Variants in TTI1 observed in about 807,000 individuals in gnomAD.
TTI1 encodes TELO2 interacting protein 1.
A neutral mutation model predicts 85.4 loss-of-function variants in TTI1; 52 were observed. The observed-to-expected ratio is 0.61, with a 90% CI of 0.49 to 0.77. The LOEUF is 0.77. TTI1 is among the 30% of genes least tolerant of loss of function. TTI1 has a pLI of 0.00. For missense variants in TTI1, 1,173 were observed against 1,296.0 expected (o/e 0.91, Z 1.46); for synonymous variants, 512 against 503.9 (o/e 1.02, Z -0.22).
chr20:37,992,536 C>CA (rs2073279777), intron 7 of TTI1, among the ~76,000 whole-genome samples: 1 of 152,192 alleles, frequency 6.6e-6, no homozygotes, highest in Non-Finnish European at 1.5e-5. Context: ...CTCAGCTTCC[C>CA]AAAGTGCTGG....
chr20:38,002,427 G>A (rs968975079), intron 4 of TTI1, among the ~76,000 whole-genome samples: 1 of 152,178 alleles, frequency 6.6e-6, no homozygotes, highest in South Asian at 2.1e-4. Context: ...AGGAGACTCA[G>A]CTCCCTTTGG....
chr20:38,007,685 C>A (rs975480723), intron 2 of TTI1, among the ~76,000 whole-genome samples: 2 of 152,348 alleles, frequency 1.3e-5, no homozygotes, highest in Middle Eastern at 3.4e-3. Context: ...ACTCTGATAA[C>A]CTTTAGCACC....
At chr20:37,999,902 G>A (rs888088890) in intron 4 of TTI1, among the ~76,000 whole-genome samples, 110 of 152,238 alleles carry the variant, frequency 7.2e-4, no homozygotes, top group African/African-American at 2.5e-3. Flanking sequence ...GTGGGGAGCC[G>A]TCAAAGTGTT....
At position 37,996,658 on chromosome 20, in the gene TTI1, G is replaced by A. The variant is rs183323287; in HGVS notation, c.2998+91C>T. 3 of 1,467,558 alleles carry A rather than the reference G, an allele frequency of 2.0e-6. No homozygotes were observed. In the East Asian group the frequency reaches 6.8e-5, roughly 33 times the overall value. The allele number at this position is 1,467,558 out of a possible 1,614,324, so 90.9% of individuals were successfully genotyped here. On this transcript the variant is annotated intron_variant, in intron 6 of 7. Transcript: ENST00000373447. ...ACGGAAGGAGGTACACAGAGGGGAG[G>A]GGAGGGGGGCACGACTGAGCAGAGG...
chr20:37,993,619 G>A (rs1384242894), intron 7 of TTI1, among the ~76,000 whole-genome samples: 11 of 152,136 alleles, frequency 7.2e-5, no homozygotes, highest in Admixed American at 7.2e-4. Flanking sequence ...CAGGGCTGGT[G>A]CACATCCCTC....
rs556625063 is a variant in TTI1 at position 38,008,738 on chromosome 20, T to C, written c.2303-2341A>G. Among the ~76,000 whole-genome samples the C allele has an allele frequency of 1.3e-5, 2 of 152,306 alleles. 1 individual carries two copies. The highest frequency in any genetic ancestry group is 4.1e-4 in the South Asian group (2 of 4,826). ...CACACCCATCTTAAAAGAGTGGACG[T>C]CAGTTAGATAATTCTATGACAAACA... is the stretch of plus-strand genomic sequence containing the variant. On this transcript the variant is annotated intron_variant, in intron 2 of 7. Coordinates refer to ENST00000373447, the MANE Select transcript of TTI1 (RefSeq NM_001303457.2).
rs375749252 is a variant in TTI1, at chr20:38,015,502, T to C, written c.-41-1645A>G. Among the ~76,000 whole-genome samples, 14 of 152,148 alleles carry C rather than the reference T, an allele frequency of 9.2e-5. No individual in the cohort carries two copies. In the East Asian group the frequency reaches 1.9e-3, roughly 21 times the overall value. On this transcript the variant is annotated intron_variant, in intron 1 of 7. Coordinates refer to ENST00000373447, the MANE Select transcript of TTI1 (RefSeq NM_001303457.2). ...GCCACCTCCCTGCCTGAGATACTGG[T>C]AGTTGGATCAAGAAGTAGGAAAGAA...
At position 38,002,777 on chromosome 20, in the gene TTI1, C is replaced by T. The variant is rs370617286; in HGVS notation, c.2504-1G>A. ...ACTTTGGGAGGGACTGACTGTTCCT[C>T]TGGAAAAAGAGCACAACTGGGGGCA... On this transcript the variant is annotated splice_acceptor_variant, in intron 3 of 7. Coordinates refer to ENST00000373447, the MANE Select transcript of TTI1 (RefSeq NM_001303457.2). LOFTEE classifies it high-confidence loss of function. 1 of 1,613,636 alleles carries T rather than the reference C, an allele frequency of 6.2e-7. No individual in the cohort carries two copies. The highest frequency in any genetic ancestry group is 8.5e-7 in the Non-Finnish European group (1 of 1,179,748).
chr20:38,010,540 G>C (rs1256005257), intron 2 of TTI1, among the ~76,000 whole-genome samples: 1 of 133,712 alleles, frequency 7.5e-6, no homozygotes, highest in Non-Finnish European at 1.5e-5. Flanking sequence ...GCGCGATCTT[G>C]GCTCACTGCA....
intron 7 of TTI1, among the ~76,000 whole-genome samples, chr20:37,986,899 G>A (rs548851575): frequency 4.3e-4 from 66 of 152,288 alleles, no homozygotes; most frequent in African/African-American, 1.6e-3. Flanking sequence ...ATACTGACTT[G>A]GTGGGGGTAT....
At chr20:37,994,215 C>T (rs1456970340) in intron 7 of TTI1, among the ~76,000 whole-genome samples, 1 of 152,164 alleles carries the variant, frequency 6.6e-6, no homozygotes, top group African/African-American at 2.4e-5. Flanking sequence ...CTCACTGCAA[C>T]ATCCGCCTCC....
At chr20:38,002,574 G>C (rs1187231103) in intron 4 of TTI1, 54 bp downstream of exon 4, 1 of 1,599,044 alleles carries the variant, frequency 6.3e-7, no homozygotes, top group Non-Finnish European at 8.6e-7. Flanking sequence ...TGCCAACCAG[G>C]CCACACCTTA....
chr20:37,996,994 A>G (rs774304580), intron 5 of TTI1, 41 bp from the exon 6 acceptor site: 3 of 1,594,820 alleles, frequency 1.9e-6, no homozygotes, highest in African/African-American at 2.7e-5. Context: ...AACATTGCCA[A>G]GGCAGCAAGA....
chr20:38,022,258 AG>A (rs1440727116), intron 1 of TTI1, among the ~76,000 whole-genome samples: 5 of 152,172 alleles, frequency 3.3e-5, no homozygotes, highest in African/African-American at 1.2e-4. Flanking sequence ...TACCACTTTC[AG>A]GGCTTTGCTC....
intron 1 of TTI1, among the ~76,000 whole-genome samples, chr20:38,015,201 C>G (rs1362959160): frequency 6.6e-6 from 1 of 152,120 alleles, no homozygotes; most frequent in Non-Finnish European, 1.5e-5. Flanking sequence ...GAGCTGGTGC[C>G]AAATTTCCCC....
chr20:37,984,488 G>C (rs113695640), intron 7 of TTI1, among the ~76,000 whole-genome samples: 286 of 152,260 alleles, frequency 1.9e-3, no homozygotes, highest in African/African-American at 6.5e-3. Flanking sequence ...GATCAGTCAC[G>C]TGCCCAGGGC....
At chr20:38,022,769 C>A (rs930177938) in intron 1 of TTI1, among the ~76,000 whole-genome samples, 1 of 152,166 alleles carries the variant, frequency 6.6e-6, no homozygotes, top group Non-Finnish European at 1.5e-5. Flanking sequence ...TATTTTCTCT[C>A]TATACATGCT....
chr20:38,013,544 C>T lies in TTI1; in HGVS notation c.273G>A (p.Glu91=). 1 of 1,614,204 alleles carries T rather than the reference C, an allele frequency of 6.2e-7. No homozygotes were observed. Among genetic ancestry groups the T allele is most frequent in the Non-Finnish European group, 8.5e-7 (1 of 1,180,044 alleles). ...GTTCTGAAAAGAGTTCCTGGAGAAG[C>T]TCCTGTTCTTTCACACATGTTGAAG... is the stretch of plus-strand genomic sequence containing the variant. The part of the protein sequence containing the change: ...VLSSTCVKEQ[E]LLQELFSELS... Residue 91 remains glutamate, a synonymous_variant, in exon 2 of 8, where the codon GAG becomes GAA. Transcript: ENST00000373447.
Position 37,996,401 on chromosome 20 carries a change from G to C in TTI1, c.3060C>G (p.Pro1020=), listed in dbSNP as rs140168073. 9.9e-6 allele frequency: 16 copies of C among 1,613,920 alleles called. No homozygotes were observed. In the Admixed American group the frequency reaches 2.7e-4, roughly 27 times the overall value. ...TCCTGGCAGCCTCTTGTAATTTCAC[G>C]GGCTGTTTGACACTGAGGTAAATCA... ...ACLIYLSVKQ[P]VKLQEAARSV... The change falls in exon 7 of 8, where the codon CCC becomes CCG. Residue 1020 remains proline, a synonymous_variant. Transcript: ENST00000373447.
Sources: gnomAD v4.1 joint callset for allele counts (sites outside exome capture counted in the v4.1 genomes callset) on GRCh38, gnomAD v4.1.1 for gene constraint, MANE v1.5 for transcripts, NCBI Gene and HGNC (gene_info 2026-07-23, HGNC 2026-07-21) for gene names.